SPAG16: variants seen among roughly 807,000 people sequenced by gnomAD.
SPAG16 encodes sperm-associated antigen 16 protein.
SPAG16 carries 86 observed loss-of-function variants against 80.4 expected under a neutral mutation model. That is an observed-to-expected ratio of 1.07 (90% CI 0.90 to 1.28). The LOEUF is 1.28. Ranked by LOEUF, SPAG16 falls within the 50% of genes most tolerant of loss-of-function variation. SPAG16 has a pLI of 0.00. For missense variants in SPAG16, 870 were observed against 765.3 expected (o/e 1.14, Z -1.61); for synonymous variants, 294 against 265.9 (o/e 1.11, Z -1.03).
At chr2:214,339,376 A>G (rs1357303243) in intron 15 of SPAG16, among the ~76,000 whole-genome samples, 1 of 152,242 alleles carries the variant, frequency 6.6e-6, no homozygotes, top group African/African-American at 2.4e-5. Context: ...AACTGAGATG[A>G]CTAATTTTAA....
intron 11 of SPAG16, among the ~76,000 whole-genome samples, chr2:213,869,483 T>G (rs2105979489): frequency 6.6e-6 from 1 of 151,586 alleles, no homozygotes; most frequent in South Asian, 2.1e-4. Flanking sequence ...CTGGAAAACA[T>G]AGTAGACTTT....
At chr2:214,369,847 A>G (rs1304104268) in intron 15 of SPAG16, among the ~76,000 whole-genome samples, 1 of 152,132 alleles carries the variant, frequency 6.6e-6, no homozygotes, top group African/African-American at 2.4e-5. Context: ...TATTCTATCA[A>G]TGATTTCTTC....
At chr2:214,332,450 G>A (rs1424496898) in intron 15 of SPAG16, among the ~76,000 whole-genome samples, 2 of 152,164 alleles carry the variant, frequency 1.3e-5, no homozygotes, top group Non-Finnish European at 2.9e-5. Flanking sequence ...AAACGGCTAA[G>A]TCAATCTGTC....
chr2:214,402,915 T>G (rs2126148492), intron 15 of SPAG16, among the ~76,000 whole-genome samples: 1 of 152,032 alleles, frequency 6.6e-6, no homozygotes, highest in East Asian at 1.9e-4. Context: ...TTCCTAGAGA[T>G]GAGCATAGAT....
intron 15 of SPAG16, among the ~76,000 whole-genome samples, chr2:214,352,340 A>G (rs562268780): frequency 2.0e-5 from 3 of 152,246 alleles, no homozygotes; most frequent in Non-Finnish European, 4.4e-5. Flanking sequence ...TTGACACATT[A>G]GAGAGCAAGT....
intron 9 of SPAG16, among the ~76,000 whole-genome samples, chr2:213,470,420 C>A (rs1290413126): frequency 6.6e-6 from 1 of 152,168 alleles, no homozygotes. Context: ...GCATTGTGGG[C>A]AGGATACACA....
intron 15 of SPAG16, among the ~76,000 whole-genome samples, chr2:214,212,726 C>T (rs565959610): frequency 2.6e-5 from 4 of 152,286 alleles, no homozygotes; most frequent in Non-Finnish European, 5.9e-5. Context: ...TTCATCCCTT[C>T]GATAGATGAA....
At chr2:213,626,775 G>A (rs894222297) in intron 10 of SPAG16, among the ~76,000 whole-genome samples, 1 of 150,984 alleles carries the variant, frequency 6.6e-6, no homozygotes, top group Non-Finnish European at 1.5e-5. Flanking sequence ...AGCCTCCTGA[G>A]TAGCTGTGAC....
At chr2:213,829,549 G>T (rs2073504820) in intron 10 of SPAG16, among the ~76,000 whole-genome samples, 1 of 151,848 alleles carries the variant, frequency 6.6e-6, no homozygotes, top group Admixed American at 6.6e-5. Context: ...TCTTCCCTCT[G>T]CTTTTCTCAA....
At chr2:214,268,744 GGTGTGTGTGTGT>G in intron 15 of SPAG16, among the ~76,000 whole-genome samples, 1 of 150,152 alleles carries the variant, frequency 6.7e-6, no homozygotes, top group East Asian at 2.0e-4. Context: ...GCATCTGAAG[GGTGTGTGTGTGT>G]GTGTGGGTGT....
intron 10 of SPAG16, among the ~76,000 whole-genome samples, chr2:213,666,719 G>A (rs894314751): frequency 5.3e-5 from 8 of 152,128 alleles, no homozygotes. Context: ...TATAAAAGAG[G>A]GTTTGATTCA....
At chr2:213,643,600 C>A (rs1326239610) in intron 10 of SPAG16, among the ~76,000 whole-genome samples, 1 of 149,314 alleles carries the variant, frequency 6.7e-6, no homozygotes, top group Non-Finnish European at 1.5e-5. Flanking sequence ...AAACTTTCTA[C>A]CCCTATCTCT....
chr2:213,530,779 A>T (rs921296496), intron 10 of SPAG16, among the ~76,000 whole-genome samples: 1 of 151,812 alleles, frequency 6.6e-6, no homozygotes, highest in Non-Finnish European at 1.5e-5. Context: ...TGTTAGTTGG[A>T]TTTAAGGTCA....
chr2:213,481,697 T>G (rs2073758802), intron 9 of SPAG16, among the ~76,000 whole-genome samples: 1 of 152,170 alleles, frequency 6.6e-6, no homozygotes, highest in African/African-American at 2.4e-5. Context: ...GTGCCAGTAG[T>G]AGGAACTATG....
chr2:214,092,199 T>C (rs10203517), intron 13 of SPAG16, among the ~76,000 whole-genome samples: 14,314 of 152,152 alleles, frequency 0.094, 849 homozygotes, highest in East Asian at 0.29. Context: ...CATACTCAGA[T>C]ATAAATTTAC....
intron 5 of SPAG16, among the ~76,000 whole-genome samples, chr2:213,323,132 G>T (rs2063693952): frequency 6.6e-6 from 1 of 152,100 alleles, no homozygotes. Flanking sequence ...TTTCAGGATG[G>T]CTATTATTAG....
At chr2:214,076,067 A>G (rs2051058479) in intron 13 of SPAG16, among the ~76,000 whole-genome samples, 1 of 152,186 alleles carries the variant, frequency 6.6e-6, no homozygotes, top group Admixed American at 6.5e-5. Context: ...TATATTTGAC[A>G]TAGTAGAGTA....
At chr2:213,948,042 T>A (rs2079549921) in intron 12 of SPAG16, among the ~76,000 whole-genome samples, 1 of 152,130 alleles carries the variant, frequency 6.6e-6, no homozygotes, top group Non-Finnish European at 1.5e-5. Context: ...TTTTTTAAAA[T>A]TTTTGACTCT....
At chr2:213,535,291 G>C (rs2076204263) in intron 10 of SPAG16, among the ~76,000 whole-genome samples, 1 of 152,016 alleles carries the variant, frequency 6.6e-6, no homozygotes, top group South Asian at 2.1e-4. Flanking sequence ...AATGATGATA[G>C]AATTAGCATA....
Sources: allele counts gnomAD v4.1 joint callset (sites outside exome capture counted in the v4.1 genomes callset), GRCh38; gene constraint gnomAD v4.1.1; transcripts MANE v1.5; gene names NCBI Gene and HGNC (gene_info 2026-07-23, HGNC 2026-07-21).